Variants in HSDL2 observed in about 807,000 individuals in gnomAD.
The protein encoded by HSDL2 is hydroxysteroid dehydrogenase-like protein 2.
A neutral mutation model predicts 46.3 loss-of-function variants in HSDL2; 27 were observed. The observed-to-expected ratio is 0.58, with a 90% CI of 0.43 to 0.80. The LOEUF (loss-of-function observed/expected upper bound fraction) is 0.80. HSDL2 is among the 30% of genes least tolerant of loss of function. The probability of loss-of-function intolerance (pLI) is 0.00; values close to 1 mark genes in which losing one functional copy is unlikely to be tolerated. For synonymous variants in HSDL2, 153 were observed against 163.6 expected, an observed-to-expected ratio of 0.94 and a Z score of 0.50; for missense variants, 451 against 502.7, an observed-to-expected ratio of 0.90 and a Z score of 0.98.
intron 1 of HSDL2, among the ~76,000 whole-genome samples, chr9:112,383,171 T>G (rs929460139): frequency 6.6e-6 from 1 of 152,118 alleles, no homozygotes; most frequent in Non-Finnish European, 1.5e-5. Context: ...CCTCCCAGGT[T>G]TAAGTGGTTC....
rs545421628 is a variant in HSDL2, at chr9:112,416,882, C to T, written c.437C>T (p.Ala146Val). The T allele has an allele frequency of 3.8e-5, 61 of 1,605,184 alleles. No individual in the cohort carries two copies. The highest frequency in any genetic ancestry group is 5.1e-5 in the Non-Finnish European group (60 of 1,172,296). Residue 146 changes from alanine (A) to valine (V), a missense_variant, in exon 5 of 11, where the codon GCT becomes GTT. Coordinates refer to ENST00000398805, the MANE Select transcript of HSDL2 (RefSeq NM_032303.5). ...CCTTATTTGAAAAAGAGCAAAGTTG[C>T]TCATATCCTCAATATCAGTCCACCA... ...CIPYLKKSKV[A>V]HILNISPPLN... is the part of the protein sequence containing the mutation.
intron 1 of HSDL2, among the ~76,000 whole-genome samples, chr9:112,383,505 G>A (rs1469268207): frequency 1.3e-5 from 2 of 152,112 alleles, no homozygotes; most frequent in Non-Finnish European, 2.9e-5. Context: ...TTCAGGAAGT[G>A]AGTTAGGAAG....
At chr9:112,430,223 G>A (rs115046813) in intron 6 of HSDL2, among the ~76,000 whole-genome samples, 2,305 of 152,236 alleles carry the variant, frequency 0.015, 48 homozygotes, top group African/African-American at 0.051. Flanking sequence ...TGAGCATACC[G>A]TTAGTCTTGG....
chr9:112,432,142 A>G (rs1414205168), intron 6 of HSDL2, among the ~76,000 whole-genome samples: 2 of 152,154 alleles, frequency 1.3e-5, no homozygotes, highest in East Asian at 1.9e-4. Context: ...TAGGCCTCCC[A>G]AAGTGCTGGG....
chr9:112,414,877 G>A (rs1261219500), intron 4 of HSDL2, among the ~76,000 whole-genome samples: 1 of 151,742 alleles, frequency 6.6e-6, no homozygotes, highest in Non-Finnish European at 1.5e-5. Context: ...TTTAACACCA[G>A]TATTGTACAT....
intron 6 of HSDL2, among the ~76,000 whole-genome samples, chr9:112,419,731 C>G (rs1832077705): frequency 6.6e-6 from 1 of 152,162 alleles, no homozygotes; most frequent in South Asian, 2.1e-4. Context: ...ATGAATTCTT[C>G]TGAATTCACA....
At chr9:112,389,477 ATTC>A (rs1229281932) in intron 1 of HSDL2, among the ~76,000 whole-genome samples, 3 of 152,324 alleles carry the variant, frequency 2.0e-5, no homozygotes, top group African/African-American at 7.2e-5. Context: ...TTGTACTATT[ATTC>A]TTGCAACTTT....
At chr9:112,453,565 G>C (rs1322481477) in intron 8 of HSDL2, among the ~76,000 whole-genome samples, 1 of 151,854 alleles carries the variant, frequency 6.6e-6, no homozygotes, top group Non-Finnish European at 1.5e-5. Context: ...GCTAATTTTT[G>C]TATTTTTTGT....
At chr9:112,413,972 T>A (rs1831934971) in intron 4 of HSDL2, 2 of 223,792 alleles carry the variant, frequency 8.9e-6, no homozygotes, top group Non-Finnish European at 1.8e-5. Context: ...GAACTTTTTT[T>A]AAAAAGAGGC....
At chr9:112,416,292 G>T (rs1831990789) in intron 4 of HSDL2, among the ~76,000 whole-genome samples, 1 of 151,876 alleles carries the variant, frequency 6.6e-6, no homozygotes, top group East Asian at 1.9e-4. Flanking sequence ...AGCTGGGCAT[G>T]CTGGCACATG....
chr9:112,450,730 CT>C (rs1832866520), intron 8 of HSDL2, among the ~76,000 whole-genome samples: 6 of 151,224 alleles, frequency 4.0e-5, no homozygotes, highest in Admixed American at 6.6e-5. Context: ...CTTTCAACCA[CT>C]TTTTTTTGGC....
chr9:112,403,205 T>C (rs902313624), intron 1 of HSDL2, among the ~76,000 whole-genome samples: 5 of 151,322 alleles, frequency 3.3e-5, no homozygotes, highest in Non-Finnish European at 7.4e-5. Context: ...AAACCTTTAA[T>C]CATCCTAGAA....
intron 8 of HSDL2, among the ~76,000 whole-genome samples, chr9:112,452,685 G>A (rs545845114): frequency 1.4e-3 from 213 of 152,312 alleles, no homozygotes; most frequent in Middle Eastern, 6.8e-3. Context: ...GACGGAGGTT[G>A]CAGTGAGCCG....
At chr9:112,386,083 T>TA (rs932236760) in intron 1 of HSDL2, among the ~76,000 whole-genome samples, 4 of 152,184 alleles carry the variant, frequency 2.6e-5, no homozygotes, top group African/African-American at 7.2e-5. Context: ...CTCAACTAAT[T>TA]AAAAAAATAT....
intron 6 of HSDL2, among the ~76,000 whole-genome samples, chr9:112,428,836 C>G (rs1587949724): frequency 6.6e-6 from 1 of 152,160 alleles, no homozygotes; most frequent in South Asian, 2.1e-4. Context: ...AAAGGGAGGT[C>G]TCTGAGGTAA....
At position 112,438,461 on chromosome 9, in the gene HSDL2, G is replaced by A. The variant is rs1416886748; in HGVS notation, c.629G>A (p.Gly210Glu). Residue 210 changes from glycine to glutamate, a missense_variant, in exon 7 of 11, where the codon GGA (glycine) becomes GAA (glutamate). Gly to Glu is a moderately conservative substitution (Grantham distance 98). Coordinates refer to ENST00000398805, the MANE Select transcript of HSDL2 (RefSeq NM_032303.5). ...CACACTGCTGCTATGGATATGCTGG[G>A]AGGACCTGGTATCGAAAGCCAGTGT... ...AIHTAAMDMLGGPGIESQCRK... is the reference protein window; with the variant it reads ...AIHTAAMDMLEGPGIESQCRK... 6.2e-7 allele frequency: 1 copy of A among 1,608,570 alleles called. No individual in the cohort carries two copies. The highest frequency in any genetic ancestry group is 1.1e-5 in the South Asian group (1 of 89,578).
intron 1 of HSDL2, among the ~76,000 whole-genome samples, chr9:112,399,476 G>A (rs553062473): frequency 6.6e-6 from 1 of 152,272 alleles, no homozygotes; most frequent in Admixed American, 6.5e-5. Context: ...AACAGGGTTC[G>A]AGAGCAGAGA....
At chr9:112,398,695 C>T (rs1831518348) in intron 1 of HSDL2, among the ~76,000 whole-genome samples, 1 of 152,022 alleles carries the variant, frequency 6.6e-6, no homozygotes, top group Non-Finnish European at 1.5e-5. Flanking sequence ...CTTACCAAGG[C>T]CCAATCACCC....
intron 10 of HSDL2, among the ~76,000 whole-genome samples, chr9:112,463,652 A>T (rs558372019): frequency 1.1e-4 from 17 of 148,602 alleles, no homozygotes; most frequent in Admixed American, 7.5e-4. Flanking sequence ...GTGGTATCTC[A>T]TATGTTTATT....
Sources: gnomAD v4.1 joint callset for allele counts (sites outside exome capture counted in the v4.1 genomes callset) on GRCh38, gnomAD v4.1.1 for gene constraint, MANE v1.5 for transcripts, NCBI Gene and HGNC (gene_info 2026-07-23, HGNC 2026-07-21) for gene names.